The following CHRM3 variants were observed in gnomAD, a reference collection of about 807,000 sequenced individuals.
CHRM3 encodes the protein muscarinic acetylcholine receptor M3.
Under a neutral mutation model 41.8 loss-of-function variants are expected in CHRM3, and 11 were observed. That is an observed-to-expected ratio of 0.26 (90% CI 0.17 to 0.44). The LOEUF (loss-of-function observed/expected upper bound fraction) is 0.44. Among genes scored for constraint, CHRM3 ranks in the 20% least tolerant of loss-of-function variants. CHRM3 has a pLI of 1.00. For missense variants in CHRM3, 571 were observed against 745.4 expected (o/e 0.77, Z 2.72); for synonymous variants, 297 against 301.4 (o/e 0.99, Z 0.15).
At position 239,871,897 on chromosome 1, in the gene CHRM3, GA is replaced by G. The variant is rs1293710584; in HGVS notation, c.-19-35530del. ...AAATTTTTAGCTGGGGTTCAAGAAT[GA>G]AAAAAGTTCTTCCACCACAAACATG... On this transcript the variant is annotated intron_variant, in intron 6 of 6. Coordinates refer to ENST00000676153, the MANE Select transcript of CHRM3 (RefSeq NM_001375978.1). 2.6e-5 allele frequency among the ~76,000 whole-genome samples: 4 copies of G among 152,146 alleles called. No homozygotes were observed. In the East Asian group the frequency reaches 5.8e-4, roughly 22 times the overall value.
intron 4 of CHRM3, among the ~76,000 whole-genome samples, chr1:239,638,396 C>A (rs1344413757): frequency 6.6e-6 from 1 of 152,010 alleles, no homozygotes; most frequent in Non-Finnish European, 1.5e-5. Context: ...AAAATTGTTC[C>A]TGTTTCTCCA....
At chr1:239,673,074 C>T (rs1333814690) in intron 4 of CHRM3, among the ~76,000 whole-genome samples, 2 of 152,142 alleles carry the variant, frequency 1.3e-5, no homozygotes, top group East Asian at 3.9e-4. Context: ...TCGGTTTCTT[C>T]AAATGCACGT....
At chr1:239,525,455 C>CT (rs35598896) in intron 2 of CHRM3, among the ~76,000 whole-genome samples, 63,755 of 149,530 alleles carry the variant, frequency 0.43, 14,086 homozygotes, top group Middle Eastern at 0.62. Context: ...CTTTTTGTTT[C>CT]TTTTTTTTAA....
chr1:239,662,910 C>T (rs868397173), intron 4 of CHRM3, among the ~76,000 whole-genome samples: 1 of 144,748 alleles, frequency 6.9e-6, no homozygotes, highest in African/African-American at 2.6e-5. Flanking sequence ...TCTTCTTCTT[C>T]TTCTTCTTCT....
chr1:239,666,938 T>C (rs1201483009), intron 4 of CHRM3, among the ~76,000 whole-genome samples: 1 of 152,194 alleles, frequency 6.6e-6, no homozygotes, highest in East Asian at 1.9e-4. Flanking sequence ...TTCTGTTCTT[T>C]TGTTAATTCA....
intron 1 of CHRM3, among the ~76,000 whole-genome samples, chr1:239,401,681 C>T (rs758055793): frequency 1.2e-4 from 18 of 151,896 alleles, no homozygotes; most frequent in South Asian, 2.1e-4. Flanking sequence ...TTAGTAGAGT[C>T]GGGGTTTCAC....
intron 6 of CHRM3, among the ~76,000 whole-genome samples, chr1:239,887,741 G>T (rs1678194918): frequency 6.6e-6 from 1 of 152,072 alleles, no homozygotes; most frequent in Non-Finnish European, 1.5e-5. Flanking sequence ...TAAAGTGTCG[G>T]TTTCTCAGCT....
chr1:239,790,053 A>C (rs920266080), intron 5 of CHRM3, among the ~76,000 whole-genome samples: 2 of 152,172 alleles, frequency 1.3e-5, no homozygotes, highest in African/African-American at 4.8e-5. Context: ...GTATTTACTC[A>C]ATACCTGTAC....
At chr1:239,504,419 T>G (rs2148153945) in intron 2 of CHRM3, among the ~76,000 whole-genome samples, 1 of 152,252 alleles carries the variant, frequency 6.6e-6, no homozygotes, top group Admixed American at 6.5e-5. Flanking sequence ...AAACAGTAGA[T>G]GTTGGCATGG....
chr1:239,407,417 T>TATATATATATATATAGAGAG lies in CHRM3; in HGVS notation c.-521+20191_-521+20192insTATATATATATATAGAGAGA. ...ACCAATGACTATAAATATATATATATAGAGAGAGAGAGAGAGAGAGAGAGC... is the reference window on the plus strand; with the variant it reads ...ACCAATGACTATAAATATATATATATATATATATATATATAGAGAGAGAGAGAGAGAGAGAGAGAGAGAGC... On this transcript the variant is annotated intron_variant, in intron 1 of 6. Transcript: ENST00000676153. 2.1e-4 allele frequency among the ~76,000 whole-genome samples: 28 copies of TATATATATATATATAGAGAG among 134,206 alleles called. 1 individual carries two copies. In the South Asian group the frequency reaches 6.2e-3, roughly 30 times the overall value. The allele number at this position is 134,206 out of a possible 152,430, so 88.0% of individuals were successfully genotyped here.
At chr1:239,852,485 C>T (rs1194116421) in intron 6 of CHRM3, among the ~76,000 whole-genome samples, 1 of 152,130 alleles carries the variant, frequency 6.6e-6, no homozygotes, top group Non-Finnish European at 1.5e-5. Context: ...ATTTCAGATA[C>T]AAGCAATACA....
intron 2 of CHRM3, among the ~76,000 whole-genome samples, chr1:239,501,236 C>T (rs1032534681): frequency 6.6e-6 from 1 of 152,090 alleles, no homozygotes. Flanking sequence ...AGAAAGTCAA[C>T]AAAGAAACAA....
intron 1 of CHRM3, among the ~76,000 whole-genome samples, chr1:239,412,271 CTCTT>C: frequency 8.0e-6 from 1 of 125,740 alleles, no homozygotes; most frequent in East Asian, 2.4e-4. Flanking sequence ...TTCATTTTCT[CTCTT>C]CCTTCCTCTC....
At chr1:239,470,503 A>G (rs1213344990) in intron 1 of CHRM3, among the ~76,000 whole-genome samples, 1 of 152,192 alleles carries the variant, frequency 6.6e-6, no homozygotes, top group Non-Finnish European at 1.5e-5. Flanking sequence ...TTGTGGAGTG[A>G]CCATCAAAGG....
chr1:239,689,919 G>C (rs1659538819), intron 5 of CHRM3, among the ~76,000 whole-genome samples: 1 of 152,056 alleles, frequency 6.6e-6, no homozygotes. Context: ...TGCCCAGGGA[G>C]ATCACATGGA....
chr1:239,882,127 C>T lies in CHRM3; in HGVS notation c.-19-25306C>T, dbSNP rs376982143. Among the ~76,000 whole-genome samples the T allele has an allele frequency of 2.0e-4, 30 of 152,152 alleles. No individual in the cohort carries two copies. In the East Asian group the frequency reaches 5.4e-3, roughly 28 times the overall value. On this transcript the variant is annotated intron_variant, in intron 6 of 6. Transcript: ENST00000676153. The stretch of plus-strand genomic sequence containing the variant: ...TTCGCCTTGTTGGCCAGGCTGGTCT[C>T]GAACTCCTGAACTCAGGTGGTCTGC...
chr1:239,818,397 T>C (rs1671768423), intron 5 of CHRM3, among the ~76,000 whole-genome samples: 1 of 152,182 alleles, frequency 6.6e-6, no homozygotes, highest in African/African-American at 2.4e-5. Context: ...GTCCATAATA[T>C]ACATCATAGG....
chr1:239,778,518 A>G (rs763377842), intron 5 of CHRM3, among the ~76,000 whole-genome samples: 2 of 152,012 alleles, frequency 1.3e-5, no homozygotes, highest in Non-Finnish European at 2.9e-5. Flanking sequence ...CACCTCCCCA[A>G]CATTTATCTT....
chr1:239,634,886 C>T (rs1670289980), intron 4 of CHRM3, among the ~76,000 whole-genome samples: 1 of 152,136 alleles, frequency 6.6e-6, no homozygotes, highest in South Asian at 2.1e-4. Flanking sequence ...AGCCATTTCA[C>T]CTCTCTGGAC....
Sources: allele counts gnomAD v4.1 joint callset (sites outside exome capture counted in the v4.1 genomes callset), GRCh38; gene constraint gnomAD v4.1.1; transcripts MANE v1.5; gene names NCBI Gene and HGNC (gene_info 2026-07-23, HGNC 2026-07-21).